The following KSR2 variants were observed in gnomAD, a reference collection of about 807,000 sequenced individuals.
KSR2 encodes the protein kinase suppressor of ras 2.
A neutral mutation model predicts 107.8 loss-of-function variants in KSR2; 25 were observed. The ratio of observed to expected loss-of-function variants is 0.23; its 90% CI spans 0.17 to 0.32. KSR2 has a LOEUF of 0.32. Ranked by LOEUF, KSR2 falls within the 10% of genes least tolerant of loss-of-function variation. The probability of loss-of-function intolerance (pLI) is 1.00; values close to 1 mark genes in which losing one functional copy is unlikely to be tolerated. For synonymous variants in KSR2, 480 were observed against 507.0 expected (o/e 0.95, Z 0.71); for missense variants, 887 against 1,268.9 (o/e 0.70, Z 4.57).
At position 117,818,681 on chromosome 12, in the gene KSR2, C is replaced by T. The variant is rs576056038; in HGVS notation, c.472+36747G>A. Among the ~76,000 whole-genome samples the T allele has an allele frequency of 2.6e-5, 4 of 152,242 alleles. No homozygotes were observed. The East Asian group carries it at 7.7e-4, about 29-fold the overall frequency. ...GTCGTTTCTAAGCCAGCCTTTGATCCTGCTGAAAACGTTCTGTGGCTAGAG... is the reference window on the plus strand; with the variant it reads ...GTCGTTTCTAAGCCAGCCTTTGATCTTGCTGAAAACGTTCTGTGGCTAGAG... On this transcript the variant is annotated intron_variant, in intron 3 of 19. Coordinates refer to ENST00000339824, the MANE Select transcript of KSR2 (RefSeq NM_173598.6).
intron 7 of KSR2, among the ~76,000 whole-genome samples, chr12:117,571,650 A>C (rs902249022): frequency 1.3e-5 from 2 of 152,144 alleles, no homozygotes; most frequent in African/African-American, 4.8e-5. Context: ...AGTTTATAAT[A>C]ACATCCTGTC....
intron 4 of KSR2, among the ~76,000 whole-genome samples, chr12:117,754,913 G>A (rs1173277879): frequency 6.6e-6 from 1 of 152,238 alleles, no homozygotes; most frequent in African/African-American, 2.4e-5. Flanking sequence ...TTTGGAACCT[G>A]TTCACAAAGA....
chr12:117,803,248 C>T (rs145596250), intron 3 of KSR2, among the ~76,000 whole-genome samples: 7 of 152,284 alleles, frequency 4.6e-5, no homozygotes, highest in Non-Finnish European at 1.0e-4. Context: ...AGGAACACAG[C>T]GTTCCATTCC....
chr12:117,654,422 G>T (rs2136444373), intron 5 of KSR2, among the ~76,000 whole-genome samples: 1 of 152,268 alleles, frequency 6.6e-6, no homozygotes, highest in South Asian at 2.1e-4. Context: ...GAGAAGACCA[G>T]GGCCTGGTTC....
At chr12:117,715,978 C>T (rs1443301965) in intron 4 of KSR2, among the ~76,000 whole-genome samples, 2 of 152,164 alleles carry the variant, frequency 1.3e-5, no homozygotes, top group Non-Finnish European at 2.9e-5. Flanking sequence ...CTCCTCTATC[C>T]CCCCGACACC....
intron 4 of KSR2, among the ~76,000 whole-genome samples, chr12:117,712,883 T>C (rs926570335): frequency 3.3e-5 from 5 of 152,118 alleles, no homozygotes; most frequent in African/African-American, 1.2e-4. Flanking sequence ...TAGATCGCTA[T>C]AGATATATCT....
chr12:117,662,972 C>T (rs967289290), intron 5 of KSR2, among the ~76,000 whole-genome samples: 3 of 152,300 alleles, frequency 2.0e-5, no homozygotes, highest in Non-Finnish European at 4.4e-5. Context: ...ACGGGGATGG[C>T]TACAACCTGG....
At position 117,862,735 on chromosome 12, in the gene KSR2, T is replaced by C. The variant is rs1385234253; in HGVS notation, c.181-2304A>G. On this transcript the variant is annotated intron_variant, in intron 1 of 19. Coordinates refer to ENST00000339824, the MANE Select transcript of KSR2 (RefSeq NM_173598.6). Reference sequence around the variant, plus strand: ...CTGGTCTCCATTCCCCCCCTTTTTTTTTTTTTTTTTTTGAGACGGAGTCTC... The same window carrying C: ...CTGGTCTCCATTCCCCCCCTTTTTTCTTTTTTTTTTTTGAGACGGAGTCTC... 4.0e-5 allele frequency among the ~76,000 whole-genome samples: 6 copies of C among 149,726 alleles called. No individual in the cohort carries two copies. In the East Asian group the frequency reaches 5.8e-4, roughly 15 times the overall value.
chr12:117,869,737 C>T (rs796487832), intron 1 of KSR2, among the ~76,000 whole-genome samples: 14 of 152,318 alleles, frequency 9.2e-5, no homozygotes, highest in African/African-American at 3.1e-4. Flanking sequence ...TCCTTTGATA[C>T]CTGGGTGAAA....
At chr12:117,912,276 G>C (rs1389807850) in intron 1 of KSR2, among the ~76,000 whole-genome samples, 6 of 152,142 alleles carry the variant, frequency 3.9e-5, no homozygotes, top group Non-Finnish European at 8.8e-5. Context: ...TACTTCACTG[G>C]TATTTAGCTA....
At chr12:117,557,503 C>G (rs182542787) in intron 8 of KSR2, among the ~76,000 whole-genome samples, 5 of 152,272 alleles carry the variant, frequency 3.3e-5, no homozygotes, top group African/African-American at 9.6e-5. Flanking sequence ...AGCCATAAAT[C>G]GTGCATTTCT....
chr12:117,815,081 A>G (rs1341308528), intron 3 of KSR2, among the ~76,000 whole-genome samples: 1 of 152,268 alleles, frequency 6.6e-6, no homozygotes, highest in Admixed American at 6.5e-5. Flanking sequence ...TTGAAAGGTC[A>G]GGAAAGAGCA....
At chr12:117,932,754 C>G (rs1895730306) in intron 1 of KSR2, among the ~76,000 whole-genome samples, 1 of 151,632 alleles carries the variant, frequency 6.6e-6, no homozygotes, top group South Asian at 2.1e-4. Context: ...GGCTCACGCC[C>G]ATAATCCCAA....
chr12:117,925,755 C>G (rs1895496682), intron 1 of KSR2, among the ~76,000 whole-genome samples: 1 of 152,096 alleles, frequency 6.6e-6, no homozygotes, highest in Non-Finnish European at 1.5e-5. Context: ...CACAGTTGCT[C>G]AAAGACGCAT....
chr12:117,498,477 G>C (rs1873176657), intron 14 of KSR2, among the ~76,000 whole-genome samples: 2 of 152,198 alleles, frequency 1.3e-5, no homozygotes, highest in Non-Finnish European at 2.9e-5. Context: ...CAGGGGAGGG[G>C]CTGAGGAACT....
chr12:117,885,154 G>A (rs1026044299), intron 1 of KSR2, among the ~76,000 whole-genome samples: 1 of 152,190 alleles, frequency 6.6e-6, no homozygotes, highest in Non-Finnish European at 1.5e-5. Context: ...GGCTCTGAGA[G>A]GCTAAGTGAC....
intron 3 of KSR2, among the ~76,000 whole-genome samples, chr12:117,850,231 C>A (rs1359722800): frequency 2.9e-5 from 4 of 136,050 alleles, no homozygotes; most frequent in African/African-American, 1.1e-4. Flanking sequence ...GCGGTGTAGA[C>A]CTGGTGGTCA....
intron 14 of KSR2, among the ~76,000 whole-genome samples, chr12:117,521,285 G>A (rs1308311478): frequency 1.3e-5 from 2 of 152,196 alleles, no homozygotes; most frequent in Non-Finnish European, 1.5e-5. Context: ...TATCAGACAA[G>A]CAAAGAATAC....
intron 3 of KSR2, among the ~76,000 whole-genome samples, chr12:117,802,861 T>C (rs552591099): frequency 6.6e-6 from 1 of 152,338 alleles, no homozygotes; most frequent in African/African-American, 2.4e-5. Context: ...AGTGTCATTC[T>C]TCATATAAAA....
Sources: allele counts gnomAD v4.1 joint callset (sites outside exome capture counted in the v4.1 genomes callset), GRCh38; gene constraint gnomAD v4.1.1; transcripts MANE v1.5; gene names NCBI Gene and HGNC (gene_info 2026-07-23, HGNC 2026-07-21).